The following ANKRD44 variants were observed in gnomAD, a reference collection of about 807,000 sequenced individuals.
ANKRD44 encodes the protein serine/threonine-protein phosphatase 6 regulatory ankyrin repeat subunit B.
A neutral mutation model predicts 116.0 loss-of-function variants in ANKRD44; 35 were observed. The ratio of observed to expected loss-of-function variants is 0.30; its 90% confidence interval spans 0.23 to 0.40. ANKRD44 has a LOEUF of 0.40. Ranked by LOEUF, ANKRD44 falls within the 10% of genes least tolerant of loss-of-function variation. The pLI, the probability that ANKRD44 is intolerant of heterozygous loss-of-function variation, is 1.00. For missense variants in ANKRD44, 1,014 were observed against 1,242.6 expected, an observed-to-expected ratio of 0.82 and a Z score of 2.77; for synonymous variants, 435 against 461.8, an observed-to-expected ratio of 0.94 and a Z score of 0.74.
rs191722834 is a variant in ANKRD44 at position 197,105,756 on chromosome 2, C to T, written c.985+5010G>A. The stretch of plus-strand genomic sequence containing the variant: ...AATTCATTTTATGACTTGATGGTAG[C>T]TTTGGAGACAGGCAGCCACCTCGTC... On this transcript the variant is annotated intron_variant, in intron 9 of 27. Transcript: ENST00000282272. Among the ~76,000 whole-genome samples the T allele has an allele frequency of 3.3e-5, 5 of 152,242 alleles. No homozygotes were observed. The East Asian group carries it at 9.6e-4, about 29-fold the overall frequency.
chr2:196,989,380 A>G lies in ANKRD44; in HGVS notation c.*211T>C. 8.7e-7 allele frequency: 1 copy of G among 1,148,216 alleles called. No homozygotes were observed. The highest frequency in any genetic ancestry group is 1.6e-5 in the African/African-American group (1 of 62,360). The allele number at this position is 1,148,216 out of a possible 1,614,324, so 71.1% of individuals were successfully genotyped here. ...TATAAAATACAACAAAGACTGGTAC[A>G]CAGAAAGATTACATTTAACTCCATA... is the stretch of plus-strand genomic sequence containing the variant. On this transcript the variant is annotated 3_prime_UTR_variant, in exon 28 of 28. Coordinates refer to ENST00000282272, the MANE Select transcript of ANKRD44 (RefSeq NM_001195144.2).
rs1188865926 is a variant in ANKRD44, at chr2:197,310,612, C to T, written c.-8G>A. ...GAGTTTGAGCACTGCCATTCTTCCGCTCCTTCGCGCGCACACACATGCAGG... is the reference window on the plus strand; with the variant it reads ...GAGTTTGAGCACTGCCATTCTTCCGTTCCTTCGCGCGCACACACATGCAGG... On this transcript the variant is annotated 5_prime_UTR_variant, in exon 1 of 28. Coordinates refer to ENST00000282272, the MANE Select transcript of ANKRD44 (RefSeq NM_001195144.2). The T allele has an allele frequency of 7.5e-7, 1 of 1,330,982 alleles. No homozygotes were observed. The highest frequency in any genetic ancestry group is 1.5e-5 in the South Asian group (1 of 68,870). 82.4% of individuals were successfully genotyped at this position (1,330,982 alleles called of 1,614,324 possible).
intron 2 of ANKRD44, among the ~76,000 whole-genome samples, chr2:197,150,412 G>A (rs1328209879): frequency 1.3e-5 from 2 of 152,142 alleles, no homozygotes. Flanking sequence ...AGCCGGGCAT[G>A]GTGGAGGGCG....
intron 1 of ANKRD44, among the ~76,000 whole-genome samples, chr2:197,303,622 T>C (rs2083979409): frequency 2.0e-5 from 3 of 152,124 alleles, no homozygotes; most frequent in Non-Finnish European, 2.9e-5. Context: ...ATAAAAGATA[T>C]CCTAGAAAGC....
intron 1 of ANKRD44, among the ~76,000 whole-genome samples, chr2:197,225,234 C>T (rs1050109911): frequency 5.3e-5 from 8 of 151,992 alleles, no homozygotes; most frequent in Non-Finnish European, 8.8e-5. Context: ...GCTATTCGAG[C>T]GTAAACCAAA....
chr2:197,121,423 C>T lies in ANKRD44; in HGVS notation c.815G>A (p.Gly272Glu), dbSNP rs556258342. 5 of 1,614,154 alleles carry T rather than the reference C, an allele frequency of 3.1e-6. No individual in the cohort carries two copies. The African/African-American group carries it at 6.7e-5, about 22-fold the overall frequency. ...GANVNQPNNN[G>E]FTPLHFAAAS... Reference sequence around the variant, plus strand: ...AGCAGCAAAATGCAAAGGGGTGAACCCATTATTGTTTGGCTGGTTCACGTT... The same window carrying T: ...AGCAGCAAAATGCAAAGGGGTGAACTCATTATTGTTTGGCTGGTTCACGTT... Residue 272 changes from glycine to glutamate, a missense_variant, in exon 8 of 28, where the codon GGG becomes GAG. Physicochemically the swap from Gly to Glu is moderately conservative, Grantham distance 98. Transcript: ENST00000282272.
At chr2:197,009,113 G>A in intron 18 of ANKRD44, 82 bp from the exon 19 acceptor site, 1 of 1,189,538 alleles carries the variant, frequency 8.4e-7, no homozygotes. Flanking sequence ...TTTTTTTTGA[G>A]ATGGAGTCTT....
chr2:197,120,034 T>G (rs1242876691), intron 8 of ANKRD44, among the ~76,000 whole-genome samples: 5 of 152,280 alleles, frequency 3.3e-5, no homozygotes, highest in Middle Eastern at 6.8e-3. Flanking sequence ...TCAACTACAT[T>G]AATCTTCCAA....
chr2:196,985,914 AG>A (rs2075833381), downstream of ANKRD44, among the ~76,000 whole-genome samples: 1 of 152,196 alleles, frequency 6.6e-6, no homozygotes, highest in Non-Finnish European at 1.5e-5. Context: ...GCAGAGATGG[AG>A]GTTCTTGTGT....
Position 197,013,635 on chromosome 2 carries a change from G to A in ANKRD44, c.1800C>T (p.Gly600=). ...AGGCAGCCAGATCCAGAGCAGTGCG[G>A]CCTTTCTCATCCCTGATGTCCAGGT... ...LVDLDIRDEK[G]RTALDLAAFK... Residue 600 remains glycine, a synonymous_variant, in exon 18 of 28, where the codon GGC becomes GGT. Transcript: ENST00000282272. 6.2e-7 allele frequency: 1 copy of A among 1,614,108 alleles called. No individual in the cohort carries two copies. Among genetic ancestry groups the A allele is most frequent in the Non-Finnish European group, 8.5e-7 (1 of 1,180,032 alleles).
intron 10 of ANKRD44, among the ~76,000 whole-genome samples, chr2:197,093,913 G>A (rs1399947269): frequency 6.6e-6 from 1 of 152,136 alleles, no homozygotes; most frequent in Admixed American, 6.5e-5. Flanking sequence ...GGAAAGAGGA[G>A]ACCAATTTCG....
At chr2:196,998,220 GA>G in intron 25 of ANKRD44, 116 bp downstream of exon 25, 1 of 754,454 alleles carries the variant, frequency 1.3e-6, no homozygotes, top group Non-Finnish European at 2.1e-6. Context: ...AAGACCCTGG[GA>G]AAATGTACAT....
Position 197,117,506 on chromosome 2 carries a change from C to T in ANKRD44, c.906+3826G>A, listed in dbSNP as rs190848798. Among the ~76,000 whole-genome samples, 969 of 151,712 alleles carry T rather than the reference C, an allele frequency of 6.4e-3. 7 individuals are homozygous for T. Among genetic ancestry groups the T allele is most frequent in the Middle Eastern group, 0.021 (6 of 290 alleles). ...GCCTGCCTTGGCCTCCCAAAGTGCT[C>T]GGATTACAGGCGTGAGCCACCGCGC... On this transcript the variant is annotated intron_variant, in intron 8 of 27. Coordinates refer to ENST00000282272, the MANE Select transcript of ANKRD44 (RefSeq NM_001195144.2).
intron 3 of ANKRD44, among the ~76,000 whole-genome samples, chr2:197,140,453 G>C (rs1476204558): frequency 6.6e-6 from 1 of 152,076 alleles, no homozygotes; most frequent in African/African-American, 2.4e-5. Flanking sequence ...AGAGTAGCTA[G>C]GACTGCCAGC....
In ANKRD44 at chr2:197,252,532, G is replaced by A. The variant is rs539679636; in HGVS notation, c.27+58046C>T. Among the ~76,000 whole-genome samples the A allele has an allele frequency of 2.6e-5, 4 of 152,014 alleles. No homozygotes were observed. The South Asian group carries it at 8.3e-4, about 32-fold the overall frequency. ...CGCCACTCTCCTGCCTCAGCCTCCCGAGTAGCTGGGACTACAGGCGCCCGC... is the reference window on the plus strand; with the variant it reads ...CGCCACTCTCCTGCCTCAGCCTCCCAAGTAGCTGGGACTACAGGCGCCCGC... On this transcript the variant is annotated intron_variant, in intron 1 of 27. Coordinates refer to ENST00000282272, the MANE Select transcript of ANKRD44 (RefSeq NM_001195144.2).
chr2:197,168,571 C>A (rs976371757), intron 2 of ANKRD44, among the ~76,000 whole-genome samples: 2 of 152,142 alleles, frequency 1.3e-5, no homozygotes, highest in Non-Finnish European at 2.9e-5. Flanking sequence ...CTGTCCCCTG[C>A]GAAGCAACTC....
intron 1 of ANKRD44, among the ~76,000 whole-genome samples, chr2:197,193,789 G>A (rs1035732343): frequency 1.3e-5 from 2 of 152,170 alleles, no homozygotes; most frequent in African/African-American, 4.8e-5. Context: ...GGCTGAGGCA[G>A]GAGAATGGCG....
intron 1 of ANKRD44, among the ~76,000 whole-genome samples, chr2:197,216,977 C>A (rs546603104): frequency 6.6e-6 from 1 of 151,552 alleles, no homozygotes; most frequent in Non-Finnish European, 1.5e-5. Flanking sequence ...CCATCAAAAA[C>A]GAAAAGGCAG....
chr2:197,216,884 A>ACACACG (rs2081458096), intron 1 of ANKRD44, among the ~76,000 whole-genome samples: 2 of 151,040 alleles, frequency 1.3e-5, no homozygotes, highest in African/African-American at 4.9e-5. Flanking sequence ...ACACACACAC[A>ACACACG]CACACACACA....
Sources: gnomAD v4.1 joint callset for allele counts (sites outside exome capture counted in the v4.1 genomes callset) on GRCh38, gnomAD v4.1.1 for gene constraint, MANE v1.5 for transcripts, NCBI Gene and HGNC (gene_info 2026-07-23, HGNC 2026-07-21) for gene names.